Variants in SCLT1 observed in about 807,000 individuals in gnomAD.
SCLT1 encodes the protein sodium channel-associated protein 1.
Under a neutral mutation model 112.8 loss-of-function variants are expected in SCLT1, and 78 were observed. That is an observed-to-expected ratio of 0.69 (90% CI 0.58 to 0.83). The LOEUF is 0.83. Among genes scored for constraint, SCLT1 ranks in the 40% least tolerant of loss-of-function variants. The pLI, the probability that SCLT1 is intolerant of heterozygous loss-of-function variation, is 0.00. For synonymous variants in SCLT1, 257 were observed against 254.7 expected, an observed-to-expected ratio of 1.01 and a Z score of -0.09; for missense variants, 747 against 770.4, an observed-to-expected ratio of 0.97 and a Z score of 0.36.
At chr4:129,030,143 C>T (rs563377696) in intron 5 of SCLT1, among the ~76,000 whole-genome samples, 1 of 152,184 alleles carries the variant, frequency 6.6e-6, no homozygotes, top group East Asian at 1.9e-4. Flanking sequence ...AATTAGAACT[C>T]GGGATTAAGA....
chr4:129,023,992 C>A (rs534439036), intron 5 of SCLT1, among the ~76,000 whole-genome samples: 1 of 152,330 alleles, frequency 6.6e-6, no homozygotes, highest in South Asian at 2.1e-4. Context: ...GGGGGAGGGG[C>A]GCCCGCCATT....
Position 129,093,163 on chromosome 4 carries a change from G to A in SCLT1, c.-60C>T. 7 of 1,533,474 alleles carry A rather than the reference G, an allele frequency of 4.6e-6. No homozygotes were observed. The highest frequency in any genetic ancestry group is 6.3e-6 in the Non-Finnish European group (7 of 1,107,204). 95.0% of individuals were successfully genotyped at this position (1,533,474 alleles called of 1,614,324 possible). A position where few individuals can be genotyped will look rare whatever the true frequency, so the allele number is the denominator to read the frequency against. On this transcript the variant is annotated 5_prime_UTR_variant, in exon 1 of 21. Transcript: ENST00000281142. ...TTTACCTTCCTCTGAAAGACAGAGAGCTTGCTGTGCGGGAAAACAAAACTA... is the reference window on the plus strand; with the variant it reads ...TTTACCTTCCTCTGAAAGACAGAGAACTTGCTGTGCGGGAAAACAAAACTA...
chr4:128,912,237 T>C lies in SCLT1; in HGVS notation c.1830-21100A>G, dbSNP rs1560831845. 2.6e-5 allele frequency among the ~76,000 whole-genome samples: 4 copies of C among 152,310 alleles called. No homozygotes were observed. The South Asian group carries it at 6.2e-4, about 24-fold the overall frequency. On this transcript the variant is annotated intron_variant, in intron 18 of 20. Transcript: ENST00000281142. ...CCTAATTGGTTCAAGACTTGGACTA[T>C]ACCATTGAATCACTAAAAACAAAAA...
chr4:128,975,571 T>C (rs1741096311), intron 9 of SCLT1, among the ~76,000 whole-genome samples: 1 of 152,208 alleles, frequency 6.6e-6, no homozygotes. Flanking sequence ...GAAATGTTTA[T>C]GCCTTTTTTG....
chr4:128,955,303 T>C (rs1739127359), intron 13 of SCLT1, among the ~76,000 whole-genome samples: 1 of 152,208 alleles, frequency 6.6e-6, no homozygotes, highest in Non-Finnish European at 1.5e-5. Context: ...TCCTCTATAA[T>C]TTTATGAATA....
intron 5 of SCLT1, among the ~76,000 whole-genome samples, chr4:129,016,073 A>G (rs1744966756): frequency 6.6e-6 from 1 of 151,940 alleles, no homozygotes; most frequent in South Asian, 2.1e-4. Flanking sequence ...TTTCAGTTCT[A>G]GAATGTTTTT....
At chr4:129,043,867 CA>C in intron 3 of SCLT1, 125 bp downstream of exon 3, 1 of 606,100 alleles carries the variant, frequency 1.6e-6, no homozygotes, top group Non-Finnish European at 2.9e-6. Flanking sequence ...TTTTTCTTGT[CA>C]ATTCAAGAAC....
At chr4:128,905,976 C>G (rs564862222) in intron 18 of SCLT1, among the ~76,000 whole-genome samples, 1 of 152,204 alleles carries the variant, frequency 6.6e-6, no homozygotes, top group South Asian at 2.1e-4. Context: ...CCTCTCCCCA[C>G]TAGAATGAAA....
At chr4:129,080,920 T>C (rs1322543120) in intron 2 of SCLT1, among the ~76,000 whole-genome samples, 1 of 152,158 alleles carries the variant, frequency 6.6e-6, no homozygotes, top group African/African-American at 2.4e-5. Flanking sequence ...GTCTCCCCCG[T>C]GTGAAACACC....
intron 2 of SCLT1, among the ~76,000 whole-genome samples, chr4:129,063,462 T>C (rs1750179509): frequency 1.3e-5 from 2 of 152,112 alleles, no homozygotes; most frequent in Non-Finnish European, 2.9e-5. Flanking sequence ...TTTGTGGGGG[T>C]AGTGCCCTGA....
chr4:128,960,593 G>T (rs1042049809), intron 11 of SCLT1, among the ~76,000 whole-genome samples: 1 of 151,780 alleles, frequency 6.6e-6, no homozygotes, highest in East Asian at 1.9e-4. Context: ...ATTTTTTTCC[G>T]ATGGGTTGTT....
At chr4:128,911,893 A>G (rs1215418630) in intron 18 of SCLT1, among the ~76,000 whole-genome samples, 1 of 152,246 alleles carries the variant, frequency 6.6e-6, no homozygotes, top group African/African-American at 2.4e-5. Flanking sequence ...CAAACAGCCA[A>G]GTACTTTCAA....
At chr4:128,965,162 T>C (rs1740067004) in intron 11 of SCLT1, 65 bp downstream of exon 11, 1 of 823,182 alleles carries the variant, frequency 1.2e-6, no homozygotes. Flanking sequence ...TATCACACAC[T>C]GAAACTCTAT....
At chr4:129,065,611 C>CATAAGATAGAG (rs1554001798) in intron 2 of SCLT1, among the ~76,000 whole-genome samples, 7 of 151,738 alleles carry the variant, frequency 4.6e-5, no homozygotes, top group African/African-American at 1.7e-4. Context: ...TAATGAAACA[C>CATAAGATAGAG]ATAGCGTGTG....
intron 18 of SCLT1, among the ~76,000 whole-genome samples, chr4:128,924,537 G>C (rs1170191173): frequency 1.3e-5 from 2 of 152,048 alleles, no homozygotes; most frequent in Non-Finnish European, 2.9e-5. Context: ...CTCTAAAAGT[G>C]TTGGGATTAC....
chr4:129,027,730 T>A (rs1277339602), intron 5 of SCLT1, among the ~76,000 whole-genome samples: 2 of 152,136 alleles, frequency 1.3e-5, no homozygotes, highest in African/African-American at 2.4e-5. Flanking sequence ...AAAGAGGCAG[T>A]CAAATTGTCC....
chr4:128,977,319 A>C (rs1345181761), intron 9 of SCLT1, among the ~76,000 whole-genome samples: 2 of 152,078 alleles, frequency 1.3e-5, no homozygotes, highest in African/African-American at 4.8e-5. Flanking sequence ...CAGGAGTCCT[A>C]GAGTTATTTT....
At chr4:128,933,377 T>C (rs995668255) in intron 18 of SCLT1, among the ~76,000 whole-genome samples, 3 of 152,096 alleles carry the variant, frequency 2.0e-5, no homozygotes, top group Non-Finnish European at 4.4e-5. Context: ...ATTTAAAAAA[T>C]ATGTTTGATA....
chr4:128,948,684 A>G, intron 14 of SCLT1, 114 bp from the exon 15 acceptor site: 1 of 747,120 alleles, frequency 1.3e-6, no homozygotes, highest in African/African-American at 1.8e-5. Context: ...CACAAGTTTA[A>G]GGTTATATTG....
Sources: allele counts gnomAD v4.1 joint callset (sites outside exome capture counted in the v4.1 genomes callset), GRCh38; gene constraint gnomAD v4.1.1; transcripts MANE v1.5; gene names NCBI Gene and HGNC (gene_info 2026-07-23, HGNC 2026-07-21).